PITPNC1: variants seen among roughly 807,000 people sequenced by gnomAD.
PITPNC1 encodes the protein phosphatidylinositol transfer protein cytoplasmic 1.
In PITPNC1, 18 loss-of-function variants were observed where a neutral mutation model predicts 44.7. The ratio of observed to expected loss-of-function variants is 0.40; its 90% CI spans 0.28 to 0.60. The LOEUF is 0.60. Ranked by LOEUF, PITPNC1 falls within the 20% of genes least tolerant of loss-of-function variation. The pLI is 0.39. For synonymous variants in PITPNC1, 141 were observed against 149.6 expected, an observed-to-expected ratio of 0.94 and a Z score of 0.42; for missense variants, 290 against 418.4, an observed-to-expected ratio of 0.69 and a Z score of 2.68.
intron 1 of PITPNC1, among the ~76,000 whole-genome samples, chr17:67,440,274 C>G (rs765038968): frequency 6.6e-6 from 1 of 152,122 alleles, no homozygotes; most frequent in African/African-American, 2.4e-5. Flanking sequence ...CCCGCACTGG[C>G]AAACGCAACC....
intron 6 of PITPNC1, among the ~76,000 whole-genome samples, chr17:67,659,972 C>G (rs555760558): frequency 3.3e-5 from 5 of 152,226 alleles, no homozygotes; most frequent in East Asian, 3.9e-4. Flanking sequence ...CTCCTCCCCC[C>G]AGGGTTCAAG....
intron 1 of PITPNC1, among the ~76,000 whole-genome samples, chr17:67,491,775 T>C (rs2039867621): frequency 6.6e-6 from 1 of 152,142 alleles, no homozygotes; most frequent in Non-Finnish European, 1.5e-5. Context: ...AAGGCTGCGG[T>C]GAGCTGTGAT....
chr17:67,619,635 G>T (rs2041804937), intron 5 of PITPNC1, among the ~76,000 whole-genome samples: 1 of 152,116 alleles, frequency 6.6e-6, no homozygotes, highest in Admixed American at 6.6e-5. Context: ...GATGCTGAGG[G>T]CAGCCGCCTT....
intron 4 of PITPNC1, among the ~76,000 whole-genome samples, chr17:67,557,955 T>C (rs544475207): frequency 3.3e-4 from 51 of 152,292 alleles, no homozygotes; most frequent in African/African-American, 1.2e-3. Context: ...TGCCCTTCCT[T>C]TCCTCAGAGA....
chr17:67,395,324 G>A (rs1389741944), intron 1 of PITPNC1, among the ~76,000 whole-genome samples: 1 of 151,988 alleles, frequency 6.6e-6, no homozygotes, highest in Non-Finnish European at 1.5e-5. Context: ...TCTTTTTGTA[G>A]AGATGGGCGG....
intron 1 of PITPNC1, among the ~76,000 whole-genome samples, chr17:67,401,100 A>G (rs1036479069): frequency 6.6e-6 from 1 of 152,000 alleles, no homozygotes; most frequent in Non-Finnish European, 1.5e-5. Context: ...ACACCCAGCT[A>G]ATTTTTGTAT....
chr17:67,477,998 G>A (rs2039654185), intron 1 of PITPNC1, among the ~76,000 whole-genome samples: 1 of 152,154 alleles, frequency 6.6e-6, no homozygotes, highest in African/African-American at 2.4e-5. Context: ...CCCCGAGGAT[G>A]AGAGGTTCAA....
At chr17:67,653,288 G>T (rs2042229345) in intron 6 of PITPNC1, among the ~76,000 whole-genome samples, 1 of 152,018 alleles carries the variant, frequency 6.6e-6, no homozygotes, top group Non-Finnish European at 1.5e-5. Flanking sequence ...AAAAAGGTTG[G>T]GGGGAATTTG....
At chr17:67,575,846 CTTTCT>C (rs2041138106) in intron 4 of PITPNC1, among the ~76,000 whole-genome samples, 2 of 89,226 alleles carry the variant, frequency 2.2e-5, no homozygotes, top group African/African-American at 4.9e-5. Flanking sequence ...TTCCTTCTTT[CTTTCT>C]TTCTTTCCTT....
rs967039364 is a variant in PITPNC1 at position 67,635,768 on chromosome 17, A to G, written c.462+3530A>G. Among the ~76,000 whole-genome samples the G allele has an allele frequency of 2.6e-5, 4 of 152,280 alleles. No homozygotes were observed. In the South Asian group the frequency reaches 8.3e-4, roughly 32 times the overall value. On this transcript the variant is annotated intron_variant, in intron 6 of 8. Transcript: ENST00000581322. ...ACCAAGGAATGCAAGTTTCAAGAGG[A>G]GGAGAGTGACCAGAGGTGCTGAATG...
intron 6 of PITPNC1, among the ~76,000 whole-genome samples, chr17:67,666,017 ATT>A (rs1264824653): frequency 1.3e-5 from 2 of 151,802 alleles, no homozygotes; most frequent in African/African-American, 4.8e-5. Flanking sequence ...ATTTTTTTAT[ATT>A]TTTAGTAGAG....
At chr17:67,422,720 A>C (rs2038688369) in intron 1 of PITPNC1, among the ~76,000 whole-genome samples, 1 of 151,858 alleles carries the variant, frequency 6.6e-6, no homozygotes, top group African/African-American at 2.4e-5. Context: ...TTGTATTTTT[A>C]GTAGGGATGG....
intron 8 of PITPNC1, among the ~76,000 whole-genome samples, chr17:67,684,578 C>A (rs1419829307): frequency 1.3e-5 from 2 of 151,620 alleles, no homozygotes; most frequent in Non-Finnish European, 2.9e-5. Context: ...GAAATATATC[C>A]TTTCAGTGTT....
intron 6 of PITPNC1, among the ~76,000 whole-genome samples, chr17:67,644,126 C>T (rs1013702422): frequency 2.6e-5 from 4 of 152,286 alleles, no homozygotes; most frequent in Middle Eastern, 3.4e-3. Context: ...ACCTGAATTC[C>T]GGATGGCACG....
intron 1 of PITPNC1, among the ~76,000 whole-genome samples, chr17:67,494,897 C>T (rs1037108182): frequency 4.6e-5 from 7 of 151,626 alleles, no homozygotes; most frequent in Non-Finnish European, 7.4e-5. Flanking sequence ...CATTTGAGCC[C>T]AGGGGGTCAA....
At chr17:67,576,262 T>C (rs919481436) in intron 4 of PITPNC1, among the ~76,000 whole-genome samples, 1 of 152,120 alleles carries the variant, frequency 6.6e-6, no homozygotes, top group African/African-American at 2.4e-5. Context: ...GTGAAGAGTA[T>C]GGACACTGAG....
intron 5 of PITPNC1, chr17:67,613,316 C>T (rs1343833106): frequency 1.3e-5 from 2 of 152,106 alleles, no homozygotes; most frequent in African/African-American, 4.8e-5. Flanking sequence ...ATGTTAACTT[C>T]GAATATGTCT....
At chr17:67,381,201 G>A (rs993485108) in intron 1 of PITPNC1, among the ~76,000 whole-genome samples, 1 of 151,668 alleles carries the variant, frequency 6.6e-6, no homozygotes, top group East Asian at 2.0e-4. Flanking sequence ...GGTGGCGGGC[G>A]CCTGTAGTCC....
At chr17:67,599,024 ATATATATATATTTTTT>A (rs1343911892) in intron 5 of PITPNC1, among the ~76,000 whole-genome samples, 9 of 35,848 alleles carry the variant, frequency 2.5e-4, no homozygotes, top group African/African-American at 1.1e-3. Flanking sequence ...ATATATATAT[ATATATATATATTTTTT>A]TTTTTTTTTT....
Sources: gnomAD v4.1 joint callset for allele counts (sites outside exome capture counted in the v4.1 genomes callset) on GRCh38, gnomAD v4.1.1 for gene constraint, MANE v1.5 for transcripts, NCBI Gene and HGNC (gene_info 2026-07-23, HGNC 2026-07-21) for gene names.